The following WDFY4 variants were observed in gnomAD, a reference collection of about 807,000 sequenced individuals.
WDFY4 encodes WD repeat- and FYVE domain-containing protein 4.
Under a neutral mutation model 351.9 loss-of-function variants are expected in WDFY4, and 169 were observed. The observed-to-expected ratio is 0.48, with a 90% CI of 0.42 to 0.55. The LOEUF (loss-of-function observed/expected upper bound fraction) is 0.55. WDFY4 is among the 20% of genes least tolerant of loss of function. The probability of loss-of-function intolerance (pLI) is 0.00; values close to 1 mark genes in which losing one functional copy is unlikely to be tolerated. For missense variants in WDFY4, 3,803 were observed against 3,935.6 expected, an observed-to-expected ratio of 0.97 and a Z score of 0.90; for synonymous variants, 1,622 against 1,574.6, an observed-to-expected ratio of 1.03 and a Z score of -0.71.
chr10:48,771,983 C>T (rs920556118), intron 13 of WDFY4, among the ~76,000 whole-genome samples: 4 of 152,168 alleles, frequency 2.6e-5, no homozygotes, highest in Admixed American at 2.6e-4. Flanking sequence ...CACAGCTTCT[C>T]CTGGCTTCAC....
At chr10:48,774,347 G>A (rs530013862) in intron 13 of WDFY4, 111 bp from the exon 14 acceptor site, 52 of 1,095,640 alleles carry the variant, frequency 4.7e-5, no homozygotes, top group Non-Finnish European at 6.6e-5. Flanking sequence ...GGGTATGGTG[G>A]GCGCAGTCTC....
At chr10:48,913,476 A>G (rs779763416) in intron 47 of WDFY4, 1 of 1,584,550 alleles carries the variant, frequency 6.3e-7, no homozygotes, top group Non-Finnish European at 8.6e-7. Context: ...CGTCGTGGCC[A>G]TGTTCTTGAT....
At chr10:48,778,403 G>T (rs1013784797) in intron 17 of WDFY4, among the ~76,000 whole-genome samples, 1 of 152,268 alleles carries the variant, frequency 6.6e-6, no homozygotes, top group Non-Finnish European at 1.5e-5. Flanking sequence ...CTGACCAGGA[G>T]CCCACGTGTG....
intron 1 of WDFY4, among the ~76,000 whole-genome samples, chr10:48,699,834 G>T (rs1334702249): frequency 6.6e-6 from 1 of 152,174 alleles, no homozygotes; most frequent in African/African-American, 2.4e-5. Context: ...GTAAAATCTA[G>T]ATGATAGGAT....
rs1194675533 is a variant in WDFY4 at position 48,735,880 on chromosome 10, T to C, written c.1688T>C (p.Val563Ala). ...TLLKGSVRNAVVLKDHGMVPF... is the reference protein window; with the variant it reads ...TLLKGSVRNAAVLKDHGMVPF... ...CCCATTCTGTCTGTCTGATCCTTAG[T>C]TGTCCTGAAGGACCACGGCATGGTG... The change falls in exon 11 of 62, where the codon GTT (valine) becomes GCT (alanine). Residue 563 changes from valine to alanine, a missense_variant and splice_region_variant. Around this residue, in one of 3 missense-constraint regions of WDFY4, gnomAD observed 261 missense variants for 330.2 expected, o/e 0.79. Transcript: ENST00000325239. 1.9e-6 allele frequency: 3 copies of C among 1,551,338 alleles called. No homozygotes were observed. The highest frequency in any genetic ancestry group is 2.7e-5 in the African/African-American group (2 of 73,054).
intron 35 of WDFY4, among the ~76,000 whole-genome samples, chr10:48,825,300 T>TC (rs2067956902): frequency 6.6e-6 from 1 of 152,260 alleles, no homozygotes; most frequent in Admixed American, 6.5e-5. Context: ...TCATTCCTTT[T>TC]TATGGCTCAT....
chr10:48,827,470 GTTC>G (rs373751812), intron 36 of WDFY4, among the ~76,000 whole-genome samples: 2 of 146,476 alleles, frequency 1.4e-5, no homozygotes, highest in South Asian at 2.3e-4. Context: ...TCTGAATGTG[GTTC>G]ATGCACACTG....
chr10:48,739,235 C>T (rs575912481), intron 11 of WDFY4, among the ~76,000 whole-genome samples: 14 of 152,156 alleles, frequency 9.2e-5, no homozygotes, highest in Non-Finnish European at 2.1e-4. Context: ...ACGTAGTTAG[C>T]GCTTTACAGC....
intron 39 of WDFY4, among the ~76,000 whole-genome samples, chr10:48,853,760 T>C (rs2069034680): frequency 6.6e-6 from 1 of 152,258 alleles, no homozygotes; most frequent in South Asian, 2.1e-4. Flanking sequence ...CAGTCCCCTC[T>C]TCTGTAAGCC....
At chr10:48,840,278 G>T (rs1268903591) in intron 39 of WDFY4, among the ~76,000 whole-genome samples, 1 of 152,110 alleles carries the variant, frequency 6.6e-6, no homozygotes, top group East Asian at 1.9e-4. Context: ...GGTGATGGAG[G>T]TGGGGACACA....
At chr10:48,832,350 T>C (rs2068218354) in intron 38 of WDFY4, among the ~76,000 whole-genome samples, 2 of 152,226 alleles carry the variant, frequency 1.3e-5, no homozygotes, top group African/African-American at 4.8e-5. Flanking sequence ...GCCGTGGAGC[T>C]AGGAGTTTAG....
intron 3 of WDFY4, among the ~76,000 whole-genome samples, chr10:48,720,648 A>G (rs1767008650): frequency 6.6e-6 from 1 of 152,068 alleles, no homozygotes; most frequent in Admixed American, 6.5e-5. Flanking sequence ...ACACACTGCA[A>G]CACAGACACA....
At chr10:48,712,337 A>G (rs1414229349) in intron 2 of WDFY4, among the ~76,000 whole-genome samples, 1 of 152,224 alleles carries the variant, frequency 6.6e-6, no homozygotes, top group South Asian at 2.1e-4. Context: ...TTACTTTTCC[A>G]CCAGCCTCCA....
intron 1 of WDFY4, among the ~76,000 whole-genome samples, chr10:48,707,674 C>T (rs1469600034): frequency 2.6e-5 from 4 of 152,112 alleles, no homozygotes; most frequent in African/African-American, 9.7e-5. Context: ...AGAAAAGATG[C>T]AGAAGAGCAT....
chr10:48,902,568 A>G (rs972005423), intron 47 of WDFY4, among the ~76,000 whole-genome samples: 1 of 152,094 alleles, frequency 6.6e-6, no homozygotes, highest in African/African-American at 2.4e-5. Flanking sequence ...AAAATTATTT[A>G]TTAATAGCTT....
intron 39 of WDFY4, among the ~76,000 whole-genome samples, chr10:48,835,907 T>A (rs1001220205): frequency 5.9e-5 from 9 of 152,238 alleles, no homozygotes; most frequent in Non-Finnish European, 1.2e-4. Flanking sequence ...CTTGTACTGG[T>A]AACTAAGTCT....
At chr10:48,702,936 A>G (rs74856916) in intron 1 of WDFY4, among the ~76,000 whole-genome samples, 4,562 of 152,202 alleles carry the variant, frequency 0.03, 102 homozygotes, top group Middle Eastern at 0.088. Flanking sequence ...GTGTCCTGGC[A>G]TCTTGTTTTA....
At chr10:48,725,107 G>A (rs907530722) in intron 5 of WDFY4, among the ~76,000 whole-genome samples, 1 of 152,178 alleles carries the variant, frequency 6.6e-6, no homozygotes, top group Non-Finnish European at 1.5e-5. Flanking sequence ...TGAGACCTTG[G>A]TCACATGGCC....
intron 21 of WDFY4, among the ~76,000 whole-genome samples, chr10:48,789,006 A>T (rs1482038584): frequency 6.6e-6 from 1 of 152,000 alleles, no homozygotes; most frequent in African/African-American, 2.4e-5. Flanking sequence ...TAACACTGAG[A>T]TATTCTTTGA....
Sources: gnomAD v4.1 joint callset for allele counts (sites outside exome capture counted in the v4.1 genomes callset) on GRCh38, gnomAD v4.1.1 for gene constraint, gnomAD v4.1.1 regional missense constraint, MANE v1.5 for transcripts, NCBI Gene and HGNC (gene_info 2026-07-23, HGNC 2026-07-21) for gene names.